Variants in DCN observed in about 807,000 individuals in gnomAD.
DCN encodes bone proteoglycan II.
DCN carries 17 observed loss-of-function variants against 36.5 expected under a neutral mutation model. That is an observed-to-expected ratio of 0.47 (90% CI 0.32 to 0.70). DCN has a LOEUF of 0.70. Among genes scored for constraint, DCN ranks in the 30% least tolerant of loss-of-function variants. DCN has a pLI of 0.04. For synonymous variants in DCN, 163 were observed against 161.4 expected, an observed-to-expected ratio of 1.01 and a Z score of -0.07; for missense variants, 389 against 430.1, an observed-to-expected ratio of 0.90 and a Z score of 0.84.
At position 91,172,699 on chromosome 12, in the gene DCN, G is replaced by A. The variant is rs141061704; in HGVS notation, c.211+5643C>T. 2.3e-3 allele frequency: 1,602 copies of A among 685,922 alleles called. 3 individuals carry two copies. The highest frequency in any genetic ancestry group is 3.8e-3 in the Non-Finnish European group (1,436 of 377,052). The allele number at this position is 685,922 out of a possible 1,614,324, so 42.5% of individuals were successfully genotyped here. On this transcript the variant is annotated intron_variant, in intron 2 of 7. Coordinates refer to ENST00000052754, the MANE Select transcript of DCN (RefSeq NM_001920.5). ...TCCCTTCTCTTTGCAGCTTGCTAGA[G>A]TCAAGAATATTGTAGAATATTCATC...
chr12:91,170,443 T>C (rs1244316454), intron 2 of DCN, among the ~76,000 whole-genome samples: 2 of 152,346 alleles, frequency 1.3e-5, no homozygotes, highest in African/African-American at 4.8e-5. Context: ...TTTCCTGGTC[T>C]TTCTGCATTC....
chr12:91,182,009 A>G (rs922898821), intron 1 of DCN, among the ~76,000 whole-genome samples: 2 of 152,108 alleles, frequency 1.3e-5, no homozygotes, highest in African/African-American at 4.8e-5. Flanking sequence ...CTCATTTTAT[A>G]GTGAATGTAT....
At chr12:91,182,434 A>C (rs1868439920) in intron 1 of DCN, 1 of 152,126 alleles carries the variant, frequency 6.6e-6, no homozygotes, top group Non-Finnish European at 1.5e-5. Flanking sequence ...CTTTGCAAAA[A>C]CAGAAGAGAA....
chr12:91,151,583 C>T, intron 7 of DCN, 71 bp downstream of exon 7: 3 of 1,576,324 alleles, frequency 1.9e-6, no homozygotes, highest in Non-Finnish European at 2.6e-6. Flanking sequence ...TCCTGCTTCC[C>T]AGCATCCCAT....
At chr12:91,151,461 T>C (rs1881409512) in intron 7 of DCN, 193 bp downstream of exon 7, 1 of 620,812 alleles carries the variant, frequency 1.6e-6, no homozygotes, top group African/African-American at 1.9e-5. Flanking sequence ...TCAAAAACTT[T>C]ATTGAAATCT....
chr12:91,180,303 A>G (rs559054912), intron 1 of DCN: 1 of 147,538 alleles, frequency 6.8e-6, no homozygotes, highest in East Asian at 2.0e-4. Flanking sequence ...AGAAAGAAAG[A>G]AGGAAGGAAG....
intron 7 of DCN, among the ~76,000 whole-genome samples, chr12:91,147,117 G>A (rs1881074975): frequency 6.6e-6 from 1 of 152,096 alleles, no homozygotes; most frequent in African/African-American, 2.4e-5. Context: ...AAAATCTAAA[G>A]TTCTCAAAGG....
At chr12:91,163,444 G>C (rs1882291406) in intron 3 of DCN, among the ~76,000 whole-genome samples, 1 of 152,096 alleles carries the variant, frequency 6.6e-6, no homozygotes, top group African/African-American at 2.4e-5. Flanking sequence ...GAAATTAAGA[G>C]GTGGAACTAC....
intron 2 of DCN, chr12:91,172,886 AATAG>A: frequency 1.6e-6 from 1 of 615,314 alleles, no homozygotes; most frequent in Non-Finnish European, 2.9e-6. Flanking sequence ...AAAAAAATAA[AATAG>A]ATATATAAAA....
At chr12:91,177,522 T>C (rs942494110) in intron 2 of DCN, 6 of 700,468 alleles carry the variant, frequency 8.6e-6, no homozygotes, top group Non-Finnish European at 1.6e-5. Context: ...TGAGCTGCCA[T>C]GTAAACTGAG....
rs944963149 is a variant in DCN, at chr12:91,142,355, C to T, written c.*3703G>A. The T allele has an allele frequency of 3.3e-5, 5 of 152,140 alleles. No individual in the cohort carries two copies. The highest frequency in any genetic ancestry group is 5.9e-5 in the Non-Finnish European group (4 of 68,030). 9.4% of individuals were successfully genotyped at this position (152,140 alleles called of 1,614,324 possible). On this transcript the variant is annotated 3_prime_UTR_variant, in exon 8 of 8. Transcript: ENST00000052754. Reference sequence around the variant, plus strand: ...ATGAATGAGAAATGACTGTATAAAACATTTTTAGTTTACTTGAGGGATTAG... The same window carrying T: ...ATGAATGAGAAATGACTGTATAAAATATTTTTAGTTTACTTGAGGGATTAG...
rs561975450 is a variant in DCN at position 91,164,032 on chromosome 12, A to T, written c.324+573T>A. On this transcript the variant is annotated intron_variant, in intron 3 of 7. Transcript: ENST00000052754. ...CTAAGATATATGGGGTATATGTATT[A>T]AAAAAGTCAGGTAAATTGTTAGTGG... Among the ~76,000 whole-genome samples, 13 of 152,298 alleles carry T rather than the reference A, an allele frequency of 8.5e-5. No homozygotes were observed. The East Asian group carries it at 1.4e-3, about 16-fold the overall frequency.
chr12:91,148,074 T>C (rs1390878441), intron 7 of DCN, among the ~76,000 whole-genome samples: 1 of 113,538 alleles, frequency 8.8e-6, no homozygotes, highest in East Asian at 2.3e-4. Flanking sequence ...CAACAAGGTC[T>C]TTTTTTTTTT....
Position 91,146,003 on chromosome 12 carries a change from G to T in DCN, c.*55C>A. ...GTATCTAGCTTTTATTTATTTTTTA[G>T]CAATGACATTAACAAGATTTTGCCA... is the stretch of plus-strand genomic sequence containing the variant. On this transcript the variant is annotated 3_prime_UTR_variant, in exon 8 of 8. Coordinates refer to ENST00000052754, the MANE Select transcript of DCN (RefSeq NM_001920.5). 1 of 1,377,218 alleles carries T rather than the reference G, an allele frequency of 7.3e-7. No homozygotes were observed. Among genetic ancestry groups the T allele is most frequent in the Non-Finnish European group, 1.0e-6 (1 of 964,388 alleles). The allele number at this position is 1,377,218 out of a possible 1,614,324, so 85.3% of individuals were successfully genotyped here.
chr12:91,172,780 C>T (rs1331244041), intron 2 of DCN: 5 of 699,592 alleles, frequency 7.1e-6, no homozygotes, highest in East Asian at 2.7e-5. Flanking sequence ...ATTCATCAAT[C>T]GTTCAGTGAT....
Position 91,144,860 on chromosome 12 carries a change from A to T in DCN, c.*1198T>A, listed in dbSNP as rs1306130445. 6.6e-6 allele frequency: 1 copy of T among 152,222 alleles called. No homozygotes were observed. Among genetic ancestry groups the T allele is most frequent in the African/African-American group, 2.4e-5 (1 of 41,466 alleles). The allele number at this position is 152,222 out of a possible 1,614,324, so 9.4% of individuals were successfully genotyped here. A position where few individuals can be genotyped will look rare whatever the true frequency, so the allele number is the denominator to read the frequency against. ...GAATTGATTACCTCTCATGTGAGCC[A>T]CTACTATAACTTGCACATATTTCTA... On this transcript the variant is annotated 3_prime_UTR_variant, in exon 8 of 8. Coordinates refer to ENST00000052754, the MANE Select transcript of DCN (RefSeq NM_001920.5).
intron 7 of DCN, among the ~76,000 whole-genome samples, chr12:91,148,484 G>C (rs148309779): frequency 6.6e-6 from 1 of 151,984 alleles, no homozygotes; most frequent in Admixed American, 6.5e-5. Flanking sequence ...TTGGGAGGCC[G>C]AGGCGGATGG....
intron 7 of DCN, among the ~76,000 whole-genome samples, chr12:91,146,911 C>T (rs192447491): frequency 3.9e-5 from 6 of 152,272 alleles, no homozygotes; most frequent in African/African-American, 7.2e-5. Flanking sequence ...ACCTCTACTC[C>T]GACAACCTTG....
chr12:91,157,733 A>G (rs1224357412), intron 4 of DCN, among the ~76,000 whole-genome samples: 1 of 151,520 alleles, frequency 6.6e-6, no homozygotes, highest in Non-Finnish European at 1.5e-5. Flanking sequence ...GGTTCACGCC[A>G]TTCTCCTGCC....
Sources: gnomAD v4.1 joint callset for allele counts (sites outside exome capture counted in the v4.1 genomes callset) on GRCh38, gnomAD v4.1.1 for gene constraint, MANE v1.5 for transcripts, NCBI Gene and HGNC (gene_info 2026-07-23, HGNC 2026-07-21) for gene names.